The following EMILIN2 variants were observed in gnomAD, a reference collection of about 807,000 sequenced individuals.
EMILIN2 encodes EMILIN-2.
In EMILIN2, 71 loss-of-function variants were observed where a neutral mutation model predicts 87.1. The ratio of observed to expected loss-of-function variants is 0.82; its 90% CI spans 0.67 to 0.99. The LOEUF is 0.99. Among genes scored for constraint, EMILIN2 ranks in the 50% least tolerant of loss-of-function variants. EMILIN2 has a pLI of 0.00. For missense variants in EMILIN2, 1,407 were observed against 1,371.8 expected (o/e 1.03, Z -0.40); for synonymous variants, 581 against 563.4 (o/e 1.03, Z -0.44).
chr18:2,884,869 C>T (rs758408618), intron 2 of EMILIN2, 95 bp from the exon 3 acceptor site: 7 of 1,356,050 alleles, frequency 5.2e-6, no homozygotes, highest in African/African-American at 1.5e-5. Context: ...CAGGCAGGGT[C>T]CTGCATGCCC....
At chr18:2,911,020 A>G (rs1422198315) in intron 7 of EMILIN2, among the ~76,000 whole-genome samples, 2 of 152,182 alleles carry the variant, frequency 1.3e-5, no homozygotes, top group African/African-American at 2.4e-5. Context: ...ACATCAGGGA[A>G]GGGGAATCCA....
Position 2,877,519 on chromosome 18 carries a change from T to A in EMILIN2, c.258-7445T>A, listed in dbSNP as rs149451066. Among the ~76,000 whole-genome samples, 1,023 of 151,380 alleles carry A rather than the reference T, an allele frequency of 6.8e-3. 8 individuals carry two copies. Among genetic ancestry groups the A allele is most frequent in the African/African-American group, 0.024 (982 of 41,308 alleles). Reference sequence around the variant, plus strand: ...AGTCTACTGGCTGGGCGCGGTGGCCTGTTATCCCAACACTTTGGGAGGCTG... The same window carrying A: ...AGTCTACTGGCTGGGCGCGGTGGCCAGTTATCCCAACACTTTGGGAGGCTG... On this transcript the variant is annotated intron_variant, in intron 2 of 7. Coordinates refer to ENST00000254528, the MANE Select transcript of EMILIN2 (RefSeq NM_032048.3).
At chr18:2,909,643 A>G in intron 6 of EMILIN2, 48 bp from the exon 7 acceptor site, 2 of 1,598,508 alleles carry the variant, frequency 1.3e-6, no homozygotes, top group South Asian at 1.1e-5. Flanking sequence ...CTCCCCCTGG[A>G]GGACAGAAGC....
At chr18:2,879,639 C>T (rs1220239963) in intron 2 of EMILIN2, among the ~76,000 whole-genome samples, 2 of 151,882 alleles carry the variant, frequency 1.3e-5, no homozygotes, top group South Asian at 2.1e-4. Flanking sequence ...CCAGCCTGAG[C>T]GACAGAGAGA....
At chr18:2,877,436 GTT>G (rs33950110) in intron 2 of EMILIN2, among the ~76,000 whole-genome samples, 32,454 of 136,530 alleles carry the variant, frequency 0.24, 3,763 homozygotes, top group Admixed American at 0.29. Flanking sequence ...TTGACTGACA[GTT>G]TTTTTTTTTT....
chr18:2,890,993 G>C lies in EMILIN2; in HGVS notation c.866G>C (p.Gly289Ala), dbSNP rs775482364. The C allele has an allele frequency of 1.2e-6, 2 of 1,614,204 alleles. No homozygotes were observed. Among genetic ancestry groups the C allele is most frequent in the Non-Finnish European group, 1.7e-6 (2 of 1,180,042 alleles). ...GAAGAGCTGGATGGAAAAGTGAAGG[G>C]CTACGAAGGGCAGCTCAGACAGCTC... ...KLEELDGKVKGYEGQLRQLQE... is the reference protein window; with the variant it reads ...KLEELDGKVKAYEGQLRQLQE... Residue 289 changes from glycine to alanine, a missense_variant, in exon 4 of 8, where the codon GGC becomes GCC. Coordinates refer to ENST00000254528, the MANE Select transcript of EMILIN2 (RefSeq NM_032048.3). This position sits in a 1 kb window ranked among gnomAD's most constrained non-coding sequence, Gnocchi z 4.7.
At position 2,884,935 on chromosome 18, in the gene EMILIN2, AAG is replaced by A. The variant is rs765945650; in HGVS notation, c.258-23_258-22del. 2.6e-6 allele frequency: 4 copies of A among 1,551,478 alleles called. No homozygotes were observed. In the African/African-American group the frequency reaches 5.5e-5, roughly 21 times the overall value. ...AAGTTGCTTGTAACGGCAGCCAGTAAAGAGAGATGCCATCCCTTCTGTCCACA... is the reference window on the plus strand; with the variant it reads ...AAGTTGCTTGTAACGGCAGCCAGTAAAGAGATGCCATCCCTTCTGTCCACA... On this transcript the variant is annotated intron_variant, in intron 2 of 7. Transcript: ENST00000254528.
Position 2,847,847 on chromosome 18 carries a change from G to T in EMILIN2, c.173G>T (p.Cys58Phe). ...CAYIVNKNVS[C>F]SVLEGSESFI... ...TACATCGTGAACAAGAATGTGAGCT[G>T]CTCCGTGCTGGAGGGAAGTGAGAGT... is the stretch of plus-strand genomic sequence containing the variant. Residue 58 changes from cysteine to phenylalanine, a missense_variant, in exon 2 of 8, where the codon TGC becomes TTC. Transcript: ENST00000254528. This position sits in a 1 kb window ranked among gnomAD's most constrained non-coding sequence, Gnocchi z 4.5. The T allele has an allele frequency of 6.2e-7, 1 of 1,613,626 alleles. No homozygotes were observed. The highest frequency in any genetic ancestry group is 8.5e-7 in the Non-Finnish European group (1 of 1,179,832).
intron 2 of EMILIN2, among the ~76,000 whole-genome samples, chr18:2,856,192 TAGTG>T (rs1346572039): frequency 1.3e-5 from 2 of 152,028 alleles, no homozygotes; most frequent in Admixed American, 6.6e-5. Context: ...CTGGGCAACA[TAGTG>T]AGACCCCCCT....
chr18:2,909,223 A>G (rs1402318726), intron 6 of EMILIN2, among the ~76,000 whole-genome samples: 1 of 152,166 alleles, frequency 6.6e-6, no homozygotes, highest in East Asian at 1.9e-4. Context: ...CCATCATCCC[A>G]GCTCATTGAG....
At chr18:2,901,030 C>T (rs1268926484) in intron 4 of EMILIN2, among the ~76,000 whole-genome samples, 4 of 152,192 alleles carry the variant, frequency 2.6e-5, no homozygotes, top group East Asian at 1.9e-4. Context: ...TTACAAATAG[C>T]GGGGCATTAA....
intron 3 of EMILIN2, among the ~76,000 whole-genome samples, chr18:2,889,133 C>CTTTTTTTTTTTTTTTTTTTTTTTTTTTT (rs772439545): frequency 1.2e-5 from 1 of 84,356 alleles, no homozygotes; most frequent in African/African-American, 4.9e-5. Flanking sequence ...TCTTTCTTTT[C>CTTTTTTTTTTTTTTTTTTTTTTTTTTTT]TTTTTTTTTT....
intron 2 of EMILIN2, among the ~76,000 whole-genome samples, chr18:2,873,976 C>T (rs898753210): frequency 4.6e-5 from 7 of 152,148 alleles, no homozygotes; most frequent in African/African-American, 1.4e-4. Flanking sequence ...AATAGAAGTA[C>T]AGTCCCACAA....
chr18:2,901,348 T>G (rs1249033096), intron 4 of EMILIN2, among the ~76,000 whole-genome samples: 2 of 152,220 alleles, frequency 1.3e-5, no homozygotes, highest in African/African-American at 4.8e-5. Flanking sequence ...CCCTGACTCC[T>G]GTAATGAGCG....
intron 6 of EMILIN2, 92 bp from the exon 7 acceptor site, chr18:2,909,599 T>TG (rs2076931273): frequency 6.6e-7 from 1 of 1,507,828 alleles, no homozygotes; most frequent in Non-Finnish European, 8.9e-7. Flanking sequence ...GCCTGGCACC[T>TG]GGGCCTGGCA....
At chr18:2,907,459 GTCT>G (rs1568485827) in intron 5 of EMILIN2, among the ~76,000 whole-genome samples, 3 of 152,244 alleles carry the variant, frequency 2.0e-5, no homozygotes, top group Non-Finnish European at 4.4e-5. Context: ...CAGGAGGGCT[GTCT>G]ACCACGGGCT....
chr18:2,863,892 A>C (rs1051318717), intron 2 of EMILIN2, among the ~76,000 whole-genome samples: 1 of 152,076 alleles, frequency 6.6e-6, no homozygotes, highest in Non-Finnish European at 1.5e-5. Flanking sequence ...TGCTTTATGA[A>C]TCTTGGTGCT....
At chr18:2,859,745 T>C (rs1230603032) in intron 2 of EMILIN2, among the ~76,000 whole-genome samples, 2 of 152,244 alleles carry the variant, frequency 1.3e-5, no homozygotes, top group Non-Finnish European at 2.9e-5. Flanking sequence ...TTGATTTTTG[T>C]GTAAGGTGAG....
At chr18:2,888,342 CT>C (rs1382549978) in intron 3 of EMILIN2, among the ~76,000 whole-genome samples, 1 of 152,160 alleles carries the variant, frequency 6.6e-6, no homozygotes. Context: ...CTTTGCCGCC[CT>C]TTGTTTTTAT....
Sources: allele counts gnomAD v4.1 joint callset (sites outside exome capture counted in the v4.1 genomes callset), GRCh38; gene constraint gnomAD v4.1.1; non-coding constraint Gnocchi (gnomAD v3.1); transcripts MANE v1.5; gene names NCBI Gene and HGNC (gene_info 2026-07-23, HGNC 2026-07-21).